The following CACNA1E variants were observed in gnomAD, a reference collection of about 807,000 sequenced individuals.
CACNA1E encodes the protein calcium voltage-gated channel subunit alpha1 E, also known as voltage-dependent R-type calcium channel subunit alpha-1E.
Under a neutral mutation model 259.2 loss-of-function variants are expected in CACNA1E, and 40 were observed. The ratio of observed to expected loss-of-function variants is 0.15; its 90% CI spans 0.12 to 0.20. The LOEUF is 0.20. Ranked by LOEUF, CACNA1E falls within the 10% of genes least tolerant of loss-of-function variation. The probability of loss-of-function intolerance (pLI) is 1.00; values close to 1 mark genes in which losing one functional copy is unlikely to be tolerated. For synonymous variants in CACNA1E, 1,104 were observed against 1,138.5 expected, an observed-to-expected ratio of 0.97 and a Z score of 0.61; for missense variants, 1,874 against 3,040.1, an observed-to-expected ratio of 0.62 and a Z score of 9.02.
Position 181,508,556 on chromosome 1 carries a change from G to A in CACNA1E, c.267-1921G>A, listed in dbSNP as rs529941790. 1.6e-3 allele frequency among the ~76,000 whole-genome samples: 251 copies of A among 152,308 alleles called. 1 individual carries two copies. Among genetic ancestry groups the A allele is most frequent in the African/African-American group, 5.8e-3 (239 of 41,564 alleles). ...CCTAGGCTGTTCAGAAGGCTTATGG[G>A]ACACTGGGTCCTTGTGTGGTTCCTG... On this transcript the variant is annotated intron_variant, in intron 1 of 47. Transcript: ENST00000367573.
At chr1:181,762,758 T>A in intron 33 of CACNA1E, 101 bp downstream of exon 33, 1 of 703,692 alleles carries the variant, frequency 1.4e-6, no homozygotes, top group Non-Finnish European at 2.5e-6. Flanking sequence ...CCAAAGCAAA[T>A]GCGTACCCCT....
intron 3 of CACNA1E, among the ~76,000 whole-genome samples, chr1:181,531,243 C>T (rs188330206): frequency 6.6e-6 from 1 of 152,328 alleles, no homozygotes; most frequent in African/African-American, 2.4e-5. Flanking sequence ...CTGCCTTTTA[C>T]CAATCCATGC....
At chr1:181,711,116 A>T in intron 8 of CACNA1E, 47 bp downstream of exon 8, 2 of 1,296,350 alleles carry the variant, frequency 1.5e-6, no homozygotes, top group Non-Finnish European at 2.2e-6. Flanking sequence ...CTGCAGAGAC[A>T]TCAGGGCCGG....
At chr1:181,494,441 C>G (rs898400325) in intron 1 of CACNA1E, among the ~76,000 whole-genome samples, 12 of 151,060 alleles carry the variant, frequency 7.9e-5, no homozygotes, top group African/African-American at 2.9e-4. Flanking sequence ...TGTTCTCATT[C>G]AGTTTAATTT....
At chr1:181,323,869 G>A (rs1173625764) in intron 1 of CACNA1E, among the ~76,000 whole-genome samples, 3 of 152,100 alleles carry the variant, frequency 2.0e-5, no homozygotes, top group East Asian at 3.8e-4. Flanking sequence ...TGAGCTATTC[G>A]GTGCTGAAGT....
At position 181,714,157 on chromosome 1, in the gene CACNA1E, G is replaced by A. The variant is rs115578807; in HGVS notation, c.1172-1181G>A. 8.5e-3 allele frequency among the ~76,000 whole-genome samples: 1,297 copies of A among 152,234 alleles called. 19 individuals are homozygous for A. Among genetic ancestry groups the A allele is most frequent in the African/African-American group, 0.029 (1,214 of 41,528 alleles). On this transcript the variant is annotated intron_variant, in intron 8 of 47. Coordinates refer to ENST00000367573, the MANE Select transcript of CACNA1E (RefSeq NM_001205293.3). ...TGGCAGCCAAAAGTGGGATCTCCAG[G>A]CAACCAACATATCTGCCTGGCTGAC...
At chr1:181,731,711 A>G (rs934801975) in intron 19 of CACNA1E, among the ~76,000 whole-genome samples, 4 of 152,018 alleles carry the variant, frequency 2.6e-5, no homozygotes, top group South Asian at 4.1e-4. Flanking sequence ...CCGCTGCCCC[A>G]TGAATGCTCC....
intron 1 of CACNA1E, among the ~76,000 whole-genome samples, chr1:181,410,997 C>T (rs919400750): frequency 6.6e-6 from 1 of 152,234 alleles, no homozygotes; most frequent in African/African-American, 2.4e-5. Context: ...AACCATCCAA[C>T]ACTGGTTGAA....
chr1:181,625,957 T>A (rs1656157522), intron 6 of CACNA1E, among the ~76,000 whole-genome samples: 1 of 152,138 alleles, frequency 6.6e-6, no homozygotes, highest in Admixed American at 6.5e-5. Flanking sequence ...CTGGCCCAAT[T>A]TCAATATTGT....
At chr1:181,332,577 C>T (rs1651371161) in intron 1 of CACNA1E, among the ~76,000 whole-genome samples, 1 of 152,168 alleles carries the variant, frequency 6.6e-6, no homozygotes, top group Non-Finnish European at 1.5e-5. Flanking sequence ...TGTTATCAGC[C>T]TGCCATTGAA....
intron 26 of CACNA1E, among the ~76,000 whole-genome samples, chr1:181,750,839 T>C (rs1657529488): frequency 6.6e-6 from 1 of 152,262 alleles, no homozygotes; most frequent in Admixed American, 6.5e-5. Flanking sequence ...TAAAAGTGAC[T>C]TGTAGGTCAT....
intron 28 of CACNA1E, 69 bp downstream of exon 28, chr1:181,755,466 C>G (rs757864019): frequency 1.2e-5 from 14 of 1,166,546 alleles, no homozygotes; most frequent in Admixed American, 1.8e-5. Context: ...TCCACCACCA[C>G]AGGTCCACCC....
intron 27 of CACNA1E, among the ~76,000 whole-genome samples, chr1:181,752,723 C>T (rs1361694480): frequency 6.6e-6 from 1 of 152,248 alleles, no homozygotes; most frequent in African/African-American, 2.4e-5. Flanking sequence ...AGGTCAGTAA[C>T]TTGTCCAAGG....
chr1:181,623,727 A>G (rs1391521097), intron 6 of CACNA1E, among the ~76,000 whole-genome samples: 2 of 152,200 alleles, frequency 1.3e-5, no homozygotes. Context: ...TGTCAAAAAA[A>G]CATATCTACA....
At chr1:181,658,264 T>C (rs1055847854) in intron 7 of CACNA1E, among the ~76,000 whole-genome samples, 1 of 152,054 alleles carries the variant, frequency 6.6e-6, no homozygotes, top group African/African-American at 2.4e-5. Context: ...CCACATGGAC[T>C]CTCTCTGGTT....
rs748177305 is a variant in CACNA1E at position 181,798,427 on chromosome 1, G to A, written c.6535G>A (p.Ala2179Thr). The A allele has an allele frequency of 2.7e-5, 43 of 1,613,506 alleles. No homozygotes were observed. The highest frequency in any genetic ancestry group is 3.5e-5 in the Non-Finnish European group (41 of 1,179,892). The stretch of plus-strand genomic sequence containing the variant: ...TTCCTACAGCTCCCTGATTCGACAC[G>A]CGGGCAGCATCTCTCCACCTGCTGA... ...LLSYSSLIRH[A>T]GSISPPADGS... The change falls in exon 48 of 48, where the codon GCG (alanine) becomes ACG (threonine). Residue 2179 changes from alanine to threonine, a missense_variant. Transcript: ENST00000367573. The surrounding 1 kb of genome is among the most constrained non-coding windows in gnomAD (Gnocchi z 4.2).
At chr1:181,368,657 G>T (rs1654463437) in intron 1 of CACNA1E, among the ~76,000 whole-genome samples, 1 of 152,166 alleles carries the variant, frequency 6.6e-6, no homozygotes, top group East Asian at 1.9e-4. Flanking sequence ...AGGGGGCAGT[G>T]CTGTGCCCAT....
rs1487157795 is a variant in CACNA1E at position 181,732,797 on chromosome 1, C to T, written c.2711C>T (p.Ala904Val). ...PTQQEAGGGE[A>V]VVTFEDRARH... ...CAGCAGGAGGCAGGGGGAGGAGAGGCTGTGGTGACCTTTGAGGACCGGGCC... is the reference window on the plus strand; with the variant it reads ...CAGCAGGAGGCAGGGGGAGGAGAGGTTGTGGTGACCTTTGAGGACCGGGCC... Residue 904 changes from alanine (A) to valine (V), a missense_variant, in exon 20 of 48, where the codon GCT (alanine) becomes GTT (valine). Ala to Val is a moderately conservative substitution (Grantham distance 64). Transcript: ENST00000367573. The surrounding 1 kb of genome is among the most constrained non-coding windows in gnomAD (Gnocchi z 5.5). The T allele has an allele frequency of 6.2e-7, 1 of 1,601,762 alleles. No homozygotes were observed.
chr1:181,410,687 A>G (rs1377797976), intron 1 of CACNA1E, among the ~76,000 whole-genome samples: 1 of 152,156 alleles, frequency 6.6e-6, no homozygotes, highest in Non-Finnish European at 1.5e-5. Context: ...TGTGATCAAT[A>G]TAGTGGAGAA....
Sources: gnomAD v4.1 joint callset for allele counts (sites outside exome capture counted in the v4.1 genomes callset) on GRCh38, gnomAD v4.1.1 for gene constraint, Gnocchi (gnomAD v3.1) non-coding constraint, MANE v1.5 for transcripts, NCBI Gene and HGNC (gene_info 2026-07-23, HGNC 2026-07-21) for gene names.